The following ERMP1 variants were observed in gnomAD, a reference collection of about 807,000 sequenced individuals.
The protein encoded by ERMP1 is endoplasmic reticulum metallopeptidase 1, also known as Felix-ina.
Under a neutral mutation model 92.0 loss-of-function variants are expected in ERMP1, and 86 were observed. The ratio of observed to expected loss-of-function variants is 0.93; its 90% CI spans 0.79 to 1.12. The LOEUF is 1.12. Among genes scored for constraint, ERMP1 ranks in the 50% most tolerant of loss-of-function variants. ERMP1 has a pLI of 0.00. For missense variants in ERMP1, 1,342 were observed against 1,116.3 expected, an observed-to-expected ratio of 1.20 and a Z score of -2.88; for synonymous variants, 530 against 412.8, an observed-to-expected ratio of 1.28 and a Z score of -3.44.
chr9:5,834,977 A>ATG (rs71326191), upstream of ERMP1, among the ~76,000 whole-genome samples: 12,661 of 124,940 alleles, frequency 0.1, 635 homozygotes, highest in African/African-American at 0.12. Flanking sequence ...GGATAGATAG[A>ATG]TGTGTGTGTG....
intron 2 of ERMP1, among the ~76,000 whole-genome samples, chr9:5,829,099 C>T (rs1265726342): frequency 6.6e-6 from 1 of 151,562 alleles, no homozygotes; most frequent in Non-Finnish European, 1.5e-5. Flanking sequence ...CAAAAAAAAT[C>T]AGCCGAGTGT....
At chr9:5,823,847 T>C in intron 4 of ERMP1, 49 bp downstream of exon 4, 1 of 1,308,874 alleles carries the variant, frequency 7.6e-7, no homozygotes. Flanking sequence ...TTTCTACTTT[T>C]ACAAAAACTA....
At chr9:5,843,116 A>T (rs1287648981) in intron 6 of ERMP1, among the ~76,000 whole-genome samples, 2 of 152,214 alleles carry the variant, frequency 1.3e-5, no homozygotes, top group African/African-American at 4.8e-5. Flanking sequence ...GCATTTACCA[A>T]CCATTTCCTG....
chr9:5,823,314 A>G (rs949401575), intron 4 of ERMP1, among the ~76,000 whole-genome samples: 1 of 152,216 alleles, frequency 6.6e-6, no homozygotes. Flanking sequence ...CTGGCTGATT[A>G]AATATTACTA....
At chr9:5,848,045 G>C (rs1830261083) in intron 6 of ERMP1, among the ~76,000 whole-genome samples, 2 of 152,144 alleles carry the variant, frequency 1.3e-5, no homozygotes, top group South Asian at 4.1e-4. Context: ...AGGTCATACA[G>C]ACACTAAATG....
chr9:5,847,768 G>T (rs1280441163), intron 6 of ERMP1, among the ~76,000 whole-genome samples: 2 of 151,680 alleles, frequency 1.3e-5, no homozygotes, highest in African/African-American at 2.4e-5. Flanking sequence ...GGTGGCAGGC[G>T]CCTGTAGTCC....
chr9:5,795,134 G>A (rs2797518), intron 13 of ERMP1, among the ~76,000 whole-genome samples: 70,266 of 151,970 alleles, frequency 0.46, 17,470 homozygotes, highest in African/African-American at 0.65. Flanking sequence ...AAAAGGCTAA[G>A]AAAGAAAAAT....
chr9:5,850,557 G>C (rs7033193), intron 6 of ERMP1, among the ~76,000 whole-genome samples: 144,956 of 152,140 alleles, frequency 0.95, 69,348 homozygotes, highest in East Asian at 1. Flanking sequence ...GAGATACCGT[G>C]AAGTTCGTAA....
chr9:5,791,021 T>C (rs1828170082), intron 13 of ERMP1, among the ~76,000 whole-genome samples: 1 of 152,196 alleles, frequency 6.6e-6, no homozygotes, highest in Non-Finnish European at 1.5e-5. Flanking sequence ...GGAAAAGTGA[T>C]ATTTAAAAAT....
At position 5,840,184 on chromosome 9, in the gene ERMP1, G is replaced by C. The variant is rs150766220; in HGVS notation, n.3200-6872C>G. Among the ~76,000 whole-genome samples the C allele has an allele frequency of 6.4e-3, 969 of 152,288 alleles. 5 individuals are homozygous for C. The highest frequency in any genetic ancestry group is 0.012 in the South Asian group (58 of 4,820). ...TCGAACCTGGGAAGCTGAGATTGCA[G>C]CGAGCTGTGATGACACCACTGCATT... On this transcript the variant is annotated intron_variant and non_coding_transcript_variant, in intron 6 of 6. Coordinates refer to the ERMP1 transcript ENST00000690753.
At chr9:5,790,870 T>A (rs987083410) in intron 13 of ERMP1, among the ~76,000 whole-genome samples, 1 of 152,196 alleles carries the variant, frequency 6.6e-6, no homozygotes, top group Non-Finnish European at 1.5e-5. Context: ...CTTTGTGGGG[T>A]GATGGAAATG....
chr9:5,843,359 G>C (rs1382935536), intron 6 of ERMP1, among the ~76,000 whole-genome samples: 1 of 152,196 alleles, frequency 6.6e-6, no homozygotes, highest in East Asian at 1.9e-4. Context: ...AATTTAAAAA[G>C]AGAAGAACAT....
At chr9:5,830,623 T>C in intron 2 of ERMP1, 104 bp downstream of exon 2, 1 of 798,110 alleles carries the variant, frequency 1.3e-6, no homozygotes, top group Non-Finnish European at 2.0e-6. Flanking sequence ...AAAAAAGGTT[T>C]GCCCAAGAAA....
intron 5 of ERMP1, 164 bp downstream of exon 5, chr9:5,812,725 G>A: frequency 5.3e-6 from 4 of 756,324 alleles, no homozygotes; most frequent in East Asian, 5.4e-5. Flanking sequence ...AATTAGTATG[G>A]AGTTTAAAAA....
In ERMP1 at chr9:5,822,773, A is replaced by G. The variant is rs112360070; in HGVS notation, c.874+1123T>C. Among the ~76,000 whole-genome samples the G allele has an allele frequency of 4.3e-3, 648 of 152,314 alleles. 1 individual carries two copies. The highest frequency in any genetic ancestry group is 0.015 in the African/African-American group (611 of 41,562). On this transcript the variant is annotated intron_variant, in intron 4 of 14. Transcript: ENST00000339450. Reference sequence around the variant, plus strand: ...TAGTATGCCCCCACTAAAAAAATCTATGAGCTCTGAATTTTGTTAATAAAG... The same window carrying G: ...TAGTATGCCCCCACTAAAAAAATCTGTGAGCTCTGAATTTTGTTAATAAAG...
rs751893530 is a variant in ERMP1 at position 5,811,173 on chromosome 9, T to G, written c.1265A>C (p.Tyr422Ser). ...CAAAACAACACCCATTACCACCATG[T>G]AGTTTATGATTGAGCCAATACGAGA... Reference protein sequence around the residue: ...YPSRIGSIINYMVVMGVVLYL... With the variant: ...YPSRIGSIINSMVVMGVVLYL... The change falls in exon 7 of 15, where the codon TAC (tyrosine) becomes TCC (serine). Residue 422 changes from tyrosine to serine, a missense_variant. Tyr to Ser is a moderately radical substitution (Grantham distance 144). Coordinates refer to ENST00000339450, the MANE Select transcript of ERMP1 (RefSeq NM_024896.3). The G allele has an allele frequency of 2.5e-6, 4 of 1,614,088 alleles. No homozygotes were observed. Among genetic ancestry groups the G allele is most frequent in the Admixed American group, 3.3e-5 (2 of 60,026 alleles).
At chr9:5,836,029 C>T (rs929021921), upstream of ERMP1, among the ~76,000 whole-genome samples, 1 of 152,212 alleles carries the variant, frequency 6.6e-6, no homozygotes, top group Non-Finnish European at 1.5e-5. Context: ...TGAGTCAACT[C>T]ATCTGACTTG....
chr9:5,830,121 C>T (rs1250583945), intron 2 of ERMP1, among the ~76,000 whole-genome samples: 1 of 152,138 alleles, frequency 6.6e-6, no homozygotes, highest in Non-Finnish European at 1.5e-5. Flanking sequence ...AAGAGATATC[C>T]GCCAACCCGC....
chr9:5,798,655 A>C (rs186237524), intron 12 of ERMP1, 151 bp downstream of exon 12: 10 of 566,308 alleles, frequency 1.8e-5, no homozygotes, highest in African/African-American at 1.3e-4. Context: ...TTCCACTAAA[A>C]AAAAAAAAAA....
Sources: allele counts gnomAD v4.1 joint callset (sites outside exome capture counted in the v4.1 genomes callset), GRCh38; gene constraint gnomAD v4.1.1; transcripts MANE v1.5; gene names NCBI Gene and HGNC (gene_info 2026-07-23, HGNC 2026-07-21).